The following MACROD2 variants were observed in gnomAD, a reference collection of about 807,000 sequenced individuals.
MACROD2 encodes the protein mono-ADP ribosylhydrolase 2.
In MACROD2, 36 loss-of-function variants were observed where a neutral mutation model predicts 70.4. The ratio of observed to expected loss-of-function variants is 0.51; its 90% CI spans 0.39 to 0.68. The LOEUF (loss-of-function observed/expected upper bound fraction) is 0.68, where lower values mean the gene tolerates loss of function less well. MACROD2 is among the 30% of genes least tolerant of loss of function. MACROD2 has a pLI of 0.00. For synonymous variants in MACROD2, 172 were observed against 178.8 expected (o/e 0.96, Z 0.30); for missense variants, 496 against 538.4 (o/e 0.92, Z 0.78).
At chr20:14,491,624 G>C (rs1363915747) in intron 3 of MACROD2, among the ~76,000 whole-genome samples, 1 of 152,134 alleles carries the variant, frequency 6.6e-6, no homozygotes, top group Non-Finnish European at 1.5e-5. Context: ...ACATCTATTG[G>C]ACAAGTGCCT....
chr20:14,170,561 C>T lies in MACROD2; in HGVS notation c.271+84833C>T, dbSNP rs567466803. Among the ~76,000 whole-genome samples, 6 of 152,236 alleles carry T rather than the reference C, an allele frequency of 3.9e-5. No individual in the cohort carries two copies. The South Asian group carries it at 1.2e-3, about 32-fold the overall frequency. On this transcript the variant is annotated intron_variant, in intron 3 of 17. Coordinates refer to ENST00000684519, the MANE Select transcript of MACROD2 (RefSeq NM_001351661.2). Reference sequence around the variant, plus strand: ...TGAGGGTTTTCATCATAAAGGGATGCTGGATTTTGTCAGGTGCTTTTTCTG... The same window carrying T: ...TGAGGGTTTTCATCATAAAGGGATGTTGGATTTTGTCAGGTGCTTTTTCTG...
At chr20:14,644,208 A>G (rs1415319253) in intron 4 of MACROD2, among the ~76,000 whole-genome samples, 1 of 152,202 alleles carries the variant, frequency 6.6e-6, no homozygotes, top group African/African-American at 2.4e-5. Flanking sequence ...GTGATGTTTC[A>G]TCACAAGGCA....
chr20:14,069,865 G>A (rs2053815703), intron 2 of MACROD2, among the ~76,000 whole-genome samples: 1 of 151,678 alleles, frequency 6.6e-6, no homozygotes, highest in Non-Finnish European at 1.5e-5. Flanking sequence ...GAGGCTTAAA[G>A]ATTGCTTGCA....
intron 7 of MACROD2, among the ~76,000 whole-genome samples, chr20:15,456,485 A>C (rs6043292): frequency 0.44 from 66,755 of 152,038 alleles, 15,335 homozygotes; most frequent in East Asian, 0.77. Context: ...TTAGGAATCA[A>C]ACCGTGCACC....
chr20:14,295,156 G>A (rs1416470629), intron 3 of MACROD2, among the ~76,000 whole-genome samples: 1 of 151,978 alleles, frequency 6.6e-6, no homozygotes, highest in African/African-American at 2.4e-5. Context: ...GTGTGCACGT[G>A]TGTGTTTTTA....
intron 4 of MACROD2, among the ~76,000 whole-genome samples, chr20:14,586,417 C>T (rs1271395486): frequency 6.6e-6 from 1 of 151,966 alleles, no homozygotes; most frequent in Non-Finnish European, 1.5e-5. Context: ...TGAAAAGATG[C>T]AGAAGAAAAG....
At chr20:14,226,451 C>T (rs987897701) in intron 3 of MACROD2, among the ~76,000 whole-genome samples, 2 of 152,128 alleles carry the variant, frequency 1.3e-5, no homozygotes. Context: ...CTGTGTGAGC[C>T]CCTTTCTGGG....
intron 3 of MACROD2, among the ~76,000 whole-genome samples, chr20:14,210,809 C>T (rs2081564758): frequency 6.6e-6 from 1 of 152,102 alleles, no homozygotes; most frequent in African/African-American, 2.4e-5. Context: ...AGAAAAGAAG[C>T]TCTAAGCTTT....
At chr20:14,297,759 G>A (rs1350454304) in intron 3 of MACROD2, among the ~76,000 whole-genome samples, 1 of 151,934 alleles carries the variant, frequency 6.6e-6, no homozygotes, top group African/African-American at 2.4e-5. Flanking sequence ...TAAGACCACT[G>A]ATGAAGGCCA....
At chr20:14,566,372 TGTTATGATC>T (rs1461501194) in intron 4 of MACROD2, among the ~76,000 whole-genome samples, 1 of 151,870 alleles carries the variant, frequency 6.6e-6, no homozygotes, top group East Asian at 1.9e-4. Flanking sequence ...GGCTTCTGTG[TGTTATGATC>T]ATGCTTATAA....
intron 8 of MACROD2, among the ~76,000 whole-genome samples, chr20:15,690,309 A>G (rs1345556088): frequency 6.6e-6 from 1 of 152,228 alleles, no homozygotes; most frequent in Non-Finnish European, 1.5e-5. Flanking sequence ...GCAAGGGACA[A>G]AAGGAAGGGA....
chr20:14,850,237 G>A (rs905318405), intron 5 of MACROD2: 1 of 225,702 alleles, frequency 4.4e-6, no homozygotes, highest in Non-Finnish European at 9.1e-6. Flanking sequence ...TCAATATATG[G>A]GTGATTAGAA....
chr20:15,099,706 T>A (rs2075858234), intron 5 of MACROD2, among the ~76,000 whole-genome samples: 1 of 152,176 alleles, frequency 6.6e-6, no homozygotes, highest in African/African-American at 2.4e-5. Context: ...GGAAAAGTTT[T>A]GAGATCCATT....
At chr20:14,328,400 T>A (rs2082773400) in intron 3 of MACROD2, among the ~76,000 whole-genome samples, 1 of 152,160 alleles carries the variant, frequency 6.6e-6, no homozygotes, top group Non-Finnish European at 1.5e-5. Context: ...CATAACGTGT[T>A]GTCACAGTGC....
intron 3 of MACROD2, among the ~76,000 whole-genome samples, chr20:14,227,691 T>A (rs1401090249): frequency 6.6e-6 from 1 of 152,218 alleles, no homozygotes; most frequent in Non-Finnish European, 1.5e-5. Flanking sequence ...ACCCACCAAT[T>A]CCGGATACAC....
At chr20:15,431,631 G>A (rs1277697642) in intron 7 of MACROD2, among the ~76,000 whole-genome samples, 196 bp downstream of exon 7, 4 of 151,924 alleles carry the variant, frequency 2.6e-5, no homozygotes, top group Non-Finnish European at 4.4e-5. Flanking sequence ...TGGTTATATC[G>A]GGTATCACAT....
At chr20:14,311,238 C>A (rs2082564278) in intron 3 of MACROD2, among the ~76,000 whole-genome samples, 1 of 152,076 alleles carries the variant, frequency 6.6e-6, no homozygotes, top group South Asian at 2.1e-4. Flanking sequence ...TTTAAAAAAT[C>A]CTTTATGTCA....
At chr20:14,467,121 T>C (rs74179742) in intron 3 of MACROD2, among the ~76,000 whole-genome samples, 22,758 of 152,204 alleles carry the variant, frequency 0.15, 2,426 homozygotes, top group Non-Finnish European at 0.21. Flanking sequence ...GTCTGTGCCC[T>C]GCCCCCCAGA....
chr20:14,141,269 T>C (rs2054869380), intron 3 of MACROD2, among the ~76,000 whole-genome samples: 1 of 152,204 alleles, frequency 6.6e-6, no homozygotes, highest in South Asian at 2.1e-4. Flanking sequence ...ATCCATAAAA[T>C]AGGAACAGAT....
Sources: gnomAD v4.1 joint callset for allele counts (sites outside exome capture counted in the v4.1 genomes callset) on GRCh38, gnomAD v4.1.1 for gene constraint, MANE v1.5 for transcripts, NCBI Gene and HGNC (gene_info 2026-07-23, HGNC 2026-07-21) for gene names.